Variants in KIF16B observed in about 807,000 individuals in gnomAD.
KIF16B encodes the protein kinesin-like protein KIF16B.
Under a neutral mutation model 156.3 loss-of-function variants are expected in KIF16B, and 98 were observed. The observed-to-expected ratio is 0.63, with a 90% CI of 0.53 to 0.74. KIF16B has a LOEUF of 0.74. Ranked by LOEUF, KIF16B falls within the 30% of genes least tolerant of loss-of-function variation. The probability of loss-of-function intolerance (pLI) is 0.00; values close to 1 mark genes in which losing one functional copy is unlikely to be tolerated. For missense variants in KIF16B, 1,421 were observed against 1,606.5 expected (o/e 0.88, Z 1.97); for synonymous variants, 564 against 583.7 (o/e 0.97, Z 0.49).
chr20:16,299,236 ATG>A (rs1242410619), intron 25 of KIF16B, among the ~76,000 whole-genome samples: 2 of 151,884 alleles, frequency 1.3e-5, no homozygotes, highest in African/African-American at 2.4e-5. Context: ...GTGTGTGTGT[ATG>A]TGTGTGTGCA....
chr20:16,532,690 C>T (rs773493545), intron 1 of KIF16B, among the ~76,000 whole-genome samples: 2 of 152,208 alleles, frequency 1.3e-5, no homozygotes, highest in Non-Finnish European at 2.9e-5. Context: ...AATCACTAAC[C>T]TAATGCATCT....
At chr20:16,366,772 G>A in intron 22 of KIF16B, 1 of 974,072 alleles carries the variant, frequency 1.0e-6, no homozygotes, top group Middle Eastern at 5.2e-4. Flanking sequence ...AGGCAGCACA[G>A]ATTAGCCTGC....
intron 25 of KIF16B, among the ~76,000 whole-genome samples, chr20:16,298,122 T>G (rs2063418452): frequency 6.6e-6 from 1 of 152,186 alleles, no homozygotes; most frequent in South Asian, 2.1e-4. Flanking sequence ...AGATCCAGAT[T>G]CCTGAGTCCC....
chr20:16,514,116 T>C (rs1429326699), intron 4 of KIF16B, among the ~76,000 whole-genome samples: 1 of 152,176 alleles, frequency 6.6e-6, no homozygotes, highest in African/African-American at 2.4e-5. Flanking sequence ...AAAACACTTG[T>C]AATTTGTGAG....
intron 12 of KIF16B, among the ~76,000 whole-genome samples, chr20:16,470,041 G>A (rs570033967): frequency 2.6e-5 from 4 of 152,210 alleles, no homozygotes; most frequent in East Asian, 1.9e-4. Flanking sequence ...AAAAGATATG[G>A]AGGAATATTT....
At chr20:16,565,923 C>A (rs2071236627) in intron 1 of KIF16B, among the ~76,000 whole-genome samples, 3 of 152,242 alleles carry the variant, frequency 2.0e-5, no homozygotes, top group Admixed American at 1.3e-4. Context: ...TAGAATGTCT[C>A]TTGCAACTGC....
intron 23 of KIF16B, among the ~76,000 whole-genome samples, chr20:16,354,939 C>T (rs1437149891): frequency 1.3e-5 from 2 of 151,352 alleles, no homozygotes; most frequent in African/African-American, 4.9e-5. Flanking sequence ...GAGTGAGACT[C>T]CATCTCAAAA....
intron 24 of KIF16B, among the ~76,000 whole-genome samples, chr20:16,325,948 G>A (rs1447402428): frequency 1.3e-5 from 2 of 152,078 alleles, no homozygotes; most frequent in African/African-American, 4.8e-5. Flanking sequence ...TATAAAAATA[G>A]GCACATAGAC....
At chr20:16,295,538 ATATAAT>A (rs2063373126) in intron 25 of KIF16B, among the ~76,000 whole-genome samples, 1 of 150,168 alleles carries the variant, frequency 6.7e-6, no homozygotes, top group South Asian at 2.1e-4. Context: ...CTATATATTT[ATATAAT>A]TATATCTTAT....
chr20:16,401,010 C>A (rs902596935), intron 17 of KIF16B, among the ~76,000 whole-genome samples: 1 of 152,222 alleles, frequency 6.6e-6, no homozygotes, highest in Admixed American at 6.5e-5. Context: ...TGGAAACCCA[C>A]CCCTCAGGCA....
chr20:16,413,036 A>G (rs1381245435), intron 15 of KIF16B, among the ~76,000 whole-genome samples: 1 of 152,084 alleles, frequency 6.6e-6, no homozygotes, highest in Non-Finnish European at 1.5e-5. Flanking sequence ...TCTAGTTATC[A>G]AACTGGACAA....
intron 25 of KIF16B, among the ~76,000 whole-genome samples, chr20:16,276,994 A>G (rs913692335): frequency 6.6e-6 from 1 of 152,190 alleles, no homozygotes; most frequent in Non-Finnish European, 1.5e-5. Context: ...TCCAGCCCCC[A>G]GGCAGCCCTC....
chr20:16,304,557 C>A (rs923424006), intron 25 of KIF16B, among the ~76,000 whole-genome samples: 2 of 151,978 alleles, frequency 1.3e-5, no homozygotes, highest in Non-Finnish European at 2.9e-5. Flanking sequence ...TGTAAATAAC[C>A]AGATAACCAG....
At chr20:16,374,742 T>C (rs1205576358) in intron 19 of KIF16B, among the ~76,000 whole-genome samples, 2 of 152,182 alleles carry the variant, frequency 1.3e-5, no homozygotes, top group Admixed American at 6.5e-5. Flanking sequence ...TCAAAAAGAG[T>C]TGGTTGTGGA....
Position 16,379,375 on chromosome 20 carries a change from T to C in KIF16B, c.2627A>G (p.Glu876Gly). ...ATCTGTGACACTCTCATCATGTTTT[T>C]CCAACAATCTAGATTCTTTGTCATG... ...CEHDKESRLL[E>G]KHDESVTDVT... Residue 876 changes from glutamate to glycine, a missense_variant, in exon 19 of 26, where the codon GAA (glutamate) becomes GGA (glycine). Glu to Gly is a moderately conservative substitution (Grantham distance 98). Coordinates refer to ENST00000354981, the MANE Select transcript of KIF16B (RefSeq NM_024704.5). 1 of 1,603,508 alleles carries C rather than the reference T, an allele frequency of 6.2e-7. No homozygotes were observed. The highest frequency in any genetic ancestry group is 8.5e-7 in the Non-Finnish European group (1 of 1,175,252).
intron 18 of KIF16B, among the ~76,000 whole-genome samples, chr20:16,381,366 T>C (rs2065089138): frequency 6.6e-6 from 1 of 151,470 alleles, no homozygotes; most frequent in South Asian, 2.1e-4. Context: ...GGGATATTAT[T>C]AAGAGAAGAT....
chr20:16,544,945 T>C (rs1172360859), intron 1 of KIF16B, among the ~76,000 whole-genome samples: 2 of 152,250 alleles, frequency 1.3e-5, no homozygotes, highest in Non-Finnish European at 2.9e-5. Flanking sequence ...ACTCGAGCAC[T>C]AAAGTTAAAC....
At chr20:16,298,754 A>C (rs1181297781) in intron 25 of KIF16B, among the ~76,000 whole-genome samples, 1 of 152,216 alleles carries the variant, frequency 6.6e-6, no homozygotes, top group Non-Finnish European at 1.5e-5. Context: ...AAAAAAATCA[A>C]ACCTGAACTT....
chr20:16,455,086 C>T (rs932994462), intron 12 of KIF16B, among the ~76,000 whole-genome samples: 24 of 152,198 alleles, frequency 1.6e-4, no homozygotes, highest in Admixed American at 1.0e-3. Context: ...AACTGAAACA[C>T]ACCGAATCCA....
Sources: gnomAD v4.1 joint callset for allele counts (sites outside exome capture counted in the v4.1 genomes callset) on GRCh38, gnomAD v4.1.1 for gene constraint, MANE v1.5 for transcripts, NCBI Gene and HGNC (gene_info 2026-07-23, HGNC 2026-07-21) for gene names.